CNTLN: variants seen among roughly 807,000 people sequenced by gnomAD.
CNTLN encodes the protein centlein, centrosomal protein.
Under a neutral mutation model 180.0 loss-of-function variants are expected in CNTLN, and 212 were observed. The observed-to-expected ratio is 1.18, with a 90% confidence interval of 1.05 to 1.32. The LOEUF (loss-of-function observed/expected upper bound fraction) is 1.32. Ranked by LOEUF, CNTLN falls within the 40% of genes most tolerant of loss-of-function variation. The pLI is 0.00. For missense variants in CNTLN, 2,095 were observed against 1,610.9 expected, an observed-to-expected ratio of 1.30 and a Z score of -5.14; for synonymous variants, 722 against 563.1, an observed-to-expected ratio of 1.28 and a Z score of -3.99.
At chr9:17,227,966 C>T (rs527403659) in intron 3 of CNTLN, among the ~76,000 whole-genome samples, 59 of 152,132 alleles carry the variant, frequency 3.9e-4, no homozygotes, top group Non-Finnish European at 7.1e-4. Context: ...ACAAGTACAA[C>T]CTTATGAGCC....
chr9:17,387,650 A>G (rs1564058866), intron 13 of CNTLN, among the ~76,000 whole-genome samples: 1 of 152,034 alleles, frequency 6.6e-6, no homozygotes, highest in Non-Finnish European at 1.5e-5. Flanking sequence ...AGTGATTTGT[A>G]TGGTTTACCT....
At chr9:17,453,571 G>C (rs368225047) in intron 18 of CNTLN, among the ~76,000 whole-genome samples, 2 of 152,166 alleles carry the variant, frequency 1.3e-5, no homozygotes, top group African/African-American at 4.8e-5. Context: ...TTTAGCAGCT[G>C]AGAAACAACA....
At chr9:17,504,365 T>G (rs1347132467), downstream of CNTLN, among the ~76,000 whole-genome samples, 2 of 152,094 alleles carry the variant, frequency 1.3e-5, no homozygotes, top group African/African-American at 4.8e-5. Context: ...ATGTAATACC[T>G]CATTACGACA....
chr9:17,393,748 T>C (rs748924856), intron 14 of CNTLN, among the ~76,000 whole-genome samples: 1 of 152,164 alleles, frequency 6.6e-6, no homozygotes. Context: ...TAAATGTAAG[T>C]CAACTCCTCC....
At chr9:17,489,949 T>A (rs1475910935) in intron 25 of CNTLN, among the ~76,000 whole-genome samples, 3 of 152,188 alleles carry the variant, frequency 2.0e-5, no homozygotes, top group African/African-American at 7.2e-5. Context: ...ATTTTTAATC[T>A]GTATAAATCT....
intron 10 of CNTLN, among the ~76,000 whole-genome samples, chr9:17,338,076 T>C (rs1821170524): frequency 6.6e-6 from 1 of 152,062 alleles, no homozygotes; most frequent in African/African-American, 2.4e-5. Context: ...AAATTATGTT[T>C]TGACATGAAT....
At chr9:17,209,987 A>T (rs1435603355) in intron 2 of CNTLN, among the ~76,000 whole-genome samples, 3 of 152,198 alleles carry the variant, frequency 2.0e-5, no homozygotes, top group African/African-American at 7.2e-5. Flanking sequence ...ACTACTAGAG[A>T]AAATTTGTAC....
chr9:17,468,607 G>C (rs1335506647), intron 23 of CNTLN, among the ~76,000 whole-genome samples: 1 of 151,310 alleles, frequency 6.6e-6, no homozygotes, highest in Non-Finnish European at 1.5e-5. Flanking sequence ...TTTGAATGTG[G>C]CACTTTAAAA....
At chr9:17,402,909 G>A (rs759762990) in intron 15 of CNTLN, among the ~76,000 whole-genome samples, 9 of 151,620 alleles carry the variant, frequency 5.9e-5, no homozygotes, top group Non-Finnish European at 7.4e-5. Context: ...AGATATATAC[G>A]TGCATGCATA....
chr9:17,464,751 G>T (rs534288271), intron 21 of CNTLN, 128 bp downstream of exon 21: 3 of 531,486 alleles, frequency 5.6e-6, no homozygotes, highest in African/African-American at 2.0e-5. Context: ...CTGTTACAAA[G>T]TAACACTCTT....
At chr9:17,211,000 C>T (rs1235088107) in intron 2 of CNTLN, among the ~76,000 whole-genome samples, 2 of 152,090 alleles carry the variant, frequency 1.3e-5, no homozygotes, top group African/African-American at 2.4e-5. Flanking sequence ...TCCCATTGTG[C>T]AGTTTGCCTG....
At chr9:17,507,299 C>T (rs1833949736), downstream of CNTLN, among the ~76,000 whole-genome samples, 1 of 152,176 alleles carries the variant, frequency 6.6e-6, no homozygotes, top group Non-Finnish European at 1.5e-5. Context: ...GCTCCATTTC[C>T]ACTGTTGCAC....
intron 2 of CNTLN, among the ~76,000 whole-genome samples, chr9:17,189,144 G>C (rs1339902309): frequency 1.4e-5 from 2 of 140,294 alleles, no homozygotes; most frequent in African/African-American, 5.4e-5. Flanking sequence ...GTGCAGTGGC[G>C]TGATCTCGGC....
chr9:17,238,979 G>C (rs1379618067), intron 5 of CNTLN, among the ~76,000 whole-genome samples: 1 of 152,088 alleles, frequency 6.6e-6, no homozygotes, highest in Non-Finnish European at 1.5e-5. Context: ...ACTTGTAATT[G>C]TTTGCCCTTT....
chr9:17,229,576 C>T (rs1364971564), intron 3 of CNTLN, among the ~76,000 whole-genome samples: 2 of 152,054 alleles, frequency 1.3e-5, no homozygotes, highest in Non-Finnish European at 2.9e-5. Context: ...TTTCTTCCTC[C>T]TCTGGGGATC....
chr9:17,213,984 C>A lies in CNTLN; in HGVS notation c.450-12219C>A, dbSNP rs754670171. ...ATATGGGTCTTCTGAATACAGCACA[C>A]TGATGGGTCTTGACTCTTTATCCAA... On this transcript the variant is annotated intron_variant, in intron 2 of 25. Transcript: ENST00000380647. Among the ~76,000 whole-genome samples the A allele has an allele frequency of 2.0e-5, 3 of 152,160 alleles. No individual in the cohort carries two copies. The East Asian group carries it at 5.8e-4, about 29-fold the overall frequency.
At chr9:17,152,672 A>G (rs924463130) in intron 2 of CNTLN, among the ~76,000 whole-genome samples, 2 of 152,190 alleles carry the variant, frequency 1.3e-5, no homozygotes, top group Non-Finnish European at 2.9e-5. Flanking sequence ...GATGTCTATT[A>G]GGTCCCCCTG....
chr9:17,202,656 T>G (rs1345593884), intron 2 of CNTLN, among the ~76,000 whole-genome samples: 1 of 119,098 alleles, frequency 8.4e-6, no homozygotes, highest in Non-Finnish European at 1.9e-5. Context: ...GTTTTTTTTT[T>G]TTTTTTTTTT....
the CNTLN span, among the ~76,000 whole-genome samples, chr9:17,523,339 G>C: frequency 1.8e-4 from 28 of 152,216 alleles, no homozygotes; most frequent in African/African-American, 6.7e-4. Context: ...TGGTTCAAGC[G>C]ATTCTGCTGC....
Sources: gnomAD v4.1 joint callset for allele counts (sites outside exome capture counted in the v4.1 genomes callset) on GRCh38, gnomAD v4.1.1 for gene constraint, MANE v1.5 for transcripts, NCBI Gene and HGNC (gene_info 2026-07-23, HGNC 2026-07-21) for gene names.